The following PRICKLE1 variants were observed in gnomAD, a reference collection of about 807,000 sequenced individuals.
The protein encoded by PRICKLE1 is prickle-like protein 1.
Under a neutral mutation model 70.2 loss-of-function variants are expected in PRICKLE1, and 14 were observed. The observed-to-expected ratio is 0.20, with a 90% CI of 0.13 to 0.31. The LOEUF (loss-of-function observed/expected upper bound fraction) is 0.31, where lower values mean the gene tolerates loss of function less well. Ranked by LOEUF, PRICKLE1 falls within the 10% of genes least tolerant of loss-of-function variation. The pLI is 1.00. For missense variants in PRICKLE1, 821 were observed against 1,026.2 expected (o/e 0.80, Z 2.73); for synonymous variants, 357 against 379.9 (o/e 0.94, Z 0.70).
At chr12:42,536,258 G>C (rs1050333217) in intron 1 of PRICKLE1, among the ~76,000 whole-genome samples, 1 of 152,188 alleles carries the variant, frequency 6.6e-6, no homozygotes, top group Non-Finnish European at 1.5e-5. Flanking sequence ...AAATGAAGAT[G>C]CTAAAGAAAG....
intron 1 of PRICKLE1, among the ~76,000 whole-genome samples, chr12:42,557,798 C>G (rs1940436849): frequency 6.6e-6 from 1 of 152,162 alleles, no homozygotes; most frequent in South Asian, 2.1e-4. Context: ...GTTTTTCTCT[C>G]TCTCTGTGTA....
chr12:42,564,624 AAAG>A (rs1332971851), intron 1 of PRICKLE1, among the ~76,000 whole-genome samples: 2 of 152,214 alleles, frequency 1.3e-5, no homozygotes, highest in African/African-American at 2.4e-5. Flanking sequence ...AAAAAAAAGA[AAAG>A]AAATCTTTCT....
intron 1 of PRICKLE1, among the ~76,000 whole-genome samples, chr12:42,486,280 C>T (rs549548584): frequency 2.0e-5 from 3 of 152,310 alleles, no homozygotes; most frequent in African/African-American, 7.2e-5. Flanking sequence ...ATTTGTTTAT[C>T]GTTCGTTGTC....
At chr12:42,587,024 G>T (rs577511473) in intron 1 of PRICKLE1, among the ~76,000 whole-genome samples, 1 of 152,248 alleles carries the variant, frequency 6.6e-6, no homozygotes, top group Non-Finnish European at 1.5e-5. Context: ...TTATCTGGGG[G>T]ACTCAAGCTG....
intron 4 of PRICKLE1, 84 bp downstream of exon 4, chr12:42,469,366 C>A (rs1213503210): frequency 4.5e-6 from 7 of 1,539,070 alleles, no homozygotes; most frequent in Non-Finnish European, 6.3e-6. Context: ...ACCCACACCT[C>A]TGCTAGTCCA....
intron 1 of PRICKLE1, among the ~76,000 whole-genome samples, chr12:42,503,696 T>C (rs1198139218): frequency 6.6e-6 from 1 of 152,214 alleles, no homozygotes; most frequent in Admixed American, 6.5e-5. Context: ...GAAGGGTGAA[T>C]GCACAAAAAT....
chr12:42,569,955 C>G (rs1298389510), intron 1 of PRICKLE1, among the ~76,000 whole-genome samples: 2 of 152,184 alleles, frequency 1.3e-5, no homozygotes, highest in Admixed American at 1.3e-4. Flanking sequence ...TAAGTGACCC[C>G]CGGCACTTCT....
intron 1 of PRICKLE1, among the ~76,000 whole-genome samples, chr12:42,588,408 T>C (rs1005288893): frequency 2.6e-5 from 4 of 152,214 alleles, no homozygotes; most frequent in Non-Finnish European, 4.4e-5. Context: ...TCATAAAACT[T>C]ATCCTAAAAG....
intron 1 of PRICKLE1, among the ~76,000 whole-genome samples, chr12:42,490,171 A>G (rs79787201): frequency 0.011 from 1,698 of 152,370 alleles, 38 homozygotes; most frequent in East Asian, 0.089. Context: ...TAGGAATAAA[A>G]GGAAATATTG....
At chr12:42,526,176 G>A (rs778868439) in intron 1 of PRICKLE1, among the ~76,000 whole-genome samples, 1 of 152,158 alleles carries the variant, frequency 6.6e-6, no homozygotes, top group Non-Finnish European at 1.5e-5. Context: ...CAGGCCAGAG[G>A]TGCATTCACG....
intron 1 of PRICKLE1, among the ~76,000 whole-genome samples, chr12:42,588,535 T>A (rs1362628210): frequency 6.6e-6 from 1 of 151,994 alleles, no homozygotes; most frequent in Non-Finnish European, 1.5e-5. Flanking sequence ...TCCTTTAGGC[T>A]GGTTCCCGTG....
At position 42,459,424 on chromosome 12, in the gene PRICKLE1, G is replaced by T; in HGVS notation, c.*385C>A. The T allele has an allele frequency of 1.4e-6, 1 of 694,240 alleles. No homozygotes were observed. The highest frequency in any genetic ancestry group is 1.5e-5 in the South Asian group (1 of 66,142). The allele number at this position is 694,240 out of a possible 1,614,324, so 43.0% of individuals were successfully genotyped here. ...GGACTATCAAGACCTGAGCCGACCT[G>T]ACTTACATAAATGACAAACACTAGT... On this transcript the variant is annotated 3_prime_UTR_variant, in exon 8 of 8. Coordinates refer to ENST00000345127, the MANE Select transcript of PRICKLE1 (RefSeq NM_153026.3).
chr12:42,458,876 T>C lies in PRICKLE1; in HGVS notation c.*933A>G, dbSNP rs1376424556. On this transcript the variant is annotated 3_prime_UTR_variant, in exon 8 of 8. Coordinates refer to ENST00000345127, the MANE Select transcript of PRICKLE1 (RefSeq NM_153026.3). ...TTTACATTTATACAGTTTACATTGCTTGACCCATAAGTAACACTTGTAAGA... is the reference window on the plus strand; with the variant it reads ...TTTACATTTATACAGTTTACATTGCCTGACCCATAAGTAACACTTGTAAGA... The C allele has an allele frequency of 6.0e-6, 1 of 165,898 alleles. No homozygotes were observed. Among genetic ancestry groups the C allele is most frequent in the Non-Finnish European group, 1.3e-5 (1 of 75,678 alleles). 10.3% of individuals were successfully genotyped at this position (165,898 alleles called of 1,614,324 possible). A position where few individuals can be genotyped will look rare whatever the true frequency, so the allele number is the denominator to read the frequency against.
At chr12:42,588,252 T>C (rs1453503463) in intron 1 of PRICKLE1, among the ~76,000 whole-genome samples, 1 of 152,188 alleles carries the variant, frequency 6.6e-6, no homozygotes, top group Admixed American at 6.5e-5. Context: ...ACTCCTAAAG[T>C]ACATTAAAAA....
intron 1 of PRICKLE1, among the ~76,000 whole-genome samples, chr12:42,473,843 AAAAG>A (rs1938417376): frequency 6.6e-6 from 1 of 152,226 alleles, no homozygotes; most frequent in Non-Finnish European, 1.5e-5. Flanking sequence ...AAAAAAAAAA[AAAAG>A]TTCTCATTTG....
At chr12:42,536,293 A>G (rs1219259511) in intron 1 of PRICKLE1, among the ~76,000 whole-genome samples, 1 of 152,236 alleles carries the variant, frequency 6.6e-6, no homozygotes, top group Non-Finnish European at 1.5e-5. Flanking sequence ...AACTGGGGAT[A>G]GAATGTAAGG....
chr12:42,477,313 G>A lies in PRICKLE1; in HGVS notation c.-48-4749C>T, dbSNP rs949820001. 2.0e-4 allele frequency among the ~76,000 whole-genome samples: 30 copies of A among 151,140 alleles called. 1 individual carries two copies. The highest frequency in any genetic ancestry group is 1.5e-3 in the Admixed American group (23 of 15,160). Reference sequence around the variant, plus strand: ...CTTGAAGCCAGGAGGCAGAGGTTGCGGTGAGCCGAGATCACACCATTGCAC... The same window carrying A: ...CTTGAAGCCAGGAGGCAGAGGTTGCAGTGAGCCGAGATCACACCATTGCAC... On this transcript the variant is annotated intron_variant, in intron 1 of 7. Coordinates refer to ENST00000345127, the MANE Select transcript of PRICKLE1 (RefSeq NM_153026.3).
chr12:42,477,452 A>G (rs12367058), intron 1 of PRICKLE1, among the ~76,000 whole-genome samples: 1 of 147,956 alleles, frequency 6.8e-6, no homozygotes, highest in Non-Finnish European at 1.5e-5. Context: ...GTATATATGT[A>G]TATACGTATA....
chr12:42,507,619 T>C (rs1000750318), intron 1 of PRICKLE1, among the ~76,000 whole-genome samples: 2 of 152,216 alleles, frequency 1.3e-5, no homozygotes, highest in Non-Finnish European at 2.9e-5. Context: ...GATCACATTA[T>C]TGTAAGGAAG....
Sources: gnomAD v4.1 joint callset for allele counts (sites outside exome capture counted in the v4.1 genomes callset) on GRCh38, gnomAD v4.1.1 for gene constraint, MANE v1.5 for transcripts, NCBI Gene and HGNC (gene_info 2026-07-23, HGNC 2026-07-21) for gene names.